COBL: variants seen among roughly 807,000 people sequenced by gnomAD.
COBL encodes the protein protein cordon-bleu.
A neutral mutation model predicts 98.8 loss-of-function variants in COBL; 51 were observed. That is an observed-to-expected ratio of 0.52 (90% CI 0.41 to 0.65). COBL has a LOEUF of 0.65. Among genes scored for constraint, COBL ranks in the 30% least tolerant of loss-of-function variants. COBL has a pLI of 0.00. For missense variants in COBL, 1,617 were observed against 1,617.5 expected, an observed-to-expected ratio of 1.00 and a Z score of 0.01; for synonymous variants, 634 against 651.7, an observed-to-expected ratio of 0.97 and a Z score of 0.41.
intron 1 of COBL, among the ~76,000 whole-genome samples, chr7:51,307,416 A>G (rs1802591131): frequency 6.6e-6 from 1 of 152,068 alleles, no homozygotes; most frequent in Admixed American, 6.6e-5. Flanking sequence ...CCAACATCAG[A>G]GGGCCCTGAT....
chr7:51,151,556 G>C (rs1222841769), intron 5 of COBL, among the ~76,000 whole-genome samples: 1 of 152,192 alleles, frequency 6.6e-6, no homozygotes, highest in Non-Finnish European at 1.5e-5. Context: ...AGAGATTTGA[G>C]CCTTGTTAAC....
At chr7:51,065,262 C>G in intron 7 of COBL, 1 of 703,370 alleles carries the variant, frequency 1.4e-6, no homozygotes, top group Non-Finnish European at 2.6e-6. Context: ...TTGAAAGACC[C>G]AAGAGAAGGC....
chr7:51,095,304 T>A (rs1167822087), intron 6 of COBL, among the ~76,000 whole-genome samples: 1 of 152,162 alleles, frequency 6.6e-6, no homozygotes, highest in Non-Finnish European at 1.5e-5. Flanking sequence ...TCCACCACCA[T>A]GATTCAATGA....
At chr7:51,158,996 A>T (rs1203134537) in intron 5 of COBL, among the ~76,000 whole-genome samples, 1 of 152,146 alleles carries the variant, frequency 6.6e-6, no homozygotes, top group Non-Finnish European at 1.5e-5. Context: ...CGACCCTGGG[A>T]CTGCCAGTGT....
chr7:51,134,567 C>T (rs1218670033), intron 6 of COBL, among the ~76,000 whole-genome samples: 3 of 152,092 alleles, frequency 2.0e-5, no homozygotes, highest in Non-Finnish European at 2.9e-5. Flanking sequence ...TACATTTTAT[C>T]GCATTAACAA....
Position 51,178,399 on chromosome 7 carries a change from G to C in COBL, c.783+5703C>G, listed in dbSNP as rs574255066. On this transcript the variant is annotated intron_variant, in intron 5 of 12. Coordinates refer to ENST00000265136, the MANE Select transcript of COBL (RefSeq NM_015198.5). ...TATCTGTGTGGTCAAAGCTGAATGA[G>C]GTTGGATGGATTTGTTTATAAGGTT... 9.9e-5 allele frequency among the ~76,000 whole-genome samples: 15 copies of C among 152,226 alleles called. No individual in the cohort carries two copies. The South Asian group carries it at 2.9e-3, about 29-fold the overall frequency.
Position 51,076,746 on chromosome 7 carries a change from C to A in COBL, c.1096+8420G>T, listed in dbSNP as rs527390508. Among the ~76,000 whole-genome samples, 4 of 152,278 alleles carry A rather than the reference C, an allele frequency of 2.6e-5. No individual in the cohort carries two copies. In the South Asian group the frequency reaches 8.3e-4, roughly 32 times the overall value. On this transcript the variant is annotated intron_variant, in intron 7 of 12. Coordinates refer to ENST00000265136, the MANE Select transcript of COBL (RefSeq NM_015198.5). Reference sequence around the variant, plus strand: ...CTTAGAACAGGAGACAATGACCTATCTTCCCTTTATGCCTTTTGATCTTTT... The same window carrying A: ...CTTAGAACAGGAGACAATGACCTATATTCCCTTTATGCCTTTTGATCTTTT...
At chr7:51,094,578 G>C (rs1795109763) in intron 6 of COBL, among the ~76,000 whole-genome samples, 2 of 152,086 alleles carry the variant, frequency 1.3e-5, no homozygotes, top group Non-Finnish European at 2.9e-5. Context: ...AGCTGATGAA[G>C]TTGATCATCT....
intron 6 of COBL, among the ~76,000 whole-genome samples, chr7:51,111,122 A>G (rs973916544): frequency 6.6e-6 from 1 of 152,198 alleles, no homozygotes; most frequent in Non-Finnish European, 1.5e-5. Context: ...TATCTTGACT[A>G]CTGTGAATAA....
At chr7:51,307,745 C>G (rs1358380841) in intron 1 of COBL, among the ~76,000 whole-genome samples, 1 of 152,208 alleles carries the variant, frequency 6.6e-6, no homozygotes, top group African/African-American at 2.4e-5. Flanking sequence ...AGAACACAGT[C>G]TTTGATTATG....
At chr7:51,153,956 C>T (rs757181451) in intron 5 of COBL, among the ~76,000 whole-genome samples, 1 of 152,156 alleles carries the variant, frequency 6.6e-6, no homozygotes, top group Non-Finnish European at 1.5e-5. Context: ...CTGTAGAGAC[C>T]TCACAGATGT....
intron 1 of COBL, among the ~76,000 whole-genome samples, chr7:51,243,847 G>C (rs1022847271): frequency 1.3e-5 from 2 of 152,122 alleles, no homozygotes; most frequent in African/African-American, 4.8e-5. Flanking sequence ...GTGTGAGGAC[G>C]TGCACGTGGC....
At chr7:51,137,510 G>A (rs538639679) in intron 5 of COBL, among the ~76,000 whole-genome samples, 9 of 151,830 alleles carry the variant, frequency 5.9e-5, no homozygotes, top group African/African-American at 2.2e-4. Flanking sequence ...AAGGTGGGAG[G>A]ATCTCTTGAG....
chr7:51,159,384 T>C (rs1173093995), intron 5 of COBL, among the ~76,000 whole-genome samples: 4 of 151,994 alleles, frequency 2.6e-5, no homozygotes, highest in Non-Finnish European at 5.9e-5. Context: ...GACCCCAGGG[T>C]TCTGGCCCGA....
intron 7 of COBL, chr7:51,083,155 T>TGGGGGGGGGGGGGGGGGGGGGGG: frequency 1.7e-6 from 1 of 605,262 alleles, no homozygotes; most frequent in South Asian, 2.3e-5. Context: ...AGGGCGGGGG[T>TGGGGGGGGGGGGGGGGGGGGGGG]GGGGGAAGCA....
At chr7:51,267,362 T>C (rs1407583196) in intron 1 of COBL, among the ~76,000 whole-genome samples, 1 of 152,128 alleles carries the variant, frequency 6.6e-6, no homozygotes, top group Non-Finnish European at 1.5e-5. Context: ...GCGCAGGACC[T>C]GACTCACAGC....
intron 7 of COBL, 45 bp from the exon 8 acceptor site, chr7:51,043,737 C>T (rs370720064): frequency 7.2e-6 from 11 of 1,533,146 alleles, no homozygotes; most frequent in Admixed American, 6.9e-5. Flanking sequence ...ACCACTCTGG[C>T]GTCCATACTG....
chr7:51,286,481 C>A (rs1800381188), intron 1 of COBL, among the ~76,000 whole-genome samples: 1 of 150,706 alleles, frequency 6.6e-6, no homozygotes, highest in Non-Finnish European at 1.5e-5. Flanking sequence ...AATAAAATAT[C>A]CAAACAGCCA....
intron 8 of COBL, among the ~76,000 whole-genome samples, chr7:51,038,825 A>G (rs535208223): frequency 1.3e-5 from 2 of 152,350 alleles, no homozygotes; most frequent in Admixed American, 1.3e-4. Context: ...CTTGCCAGCC[A>G]GACAGAGGGT....
Sources: gnomAD v4.1 joint callset for allele counts (sites outside exome capture counted in the v4.1 genomes callset) on GRCh38, gnomAD v4.1.1 for gene constraint, MANE v1.5 for transcripts, NCBI Gene and HGNC (gene_info 2026-07-23, HGNC 2026-07-21) for gene names.